SPRR2F: variants seen among roughly 807,000 people sequenced by gnomAD.
SPRR2F encodes the protein small proline-rich protein 2F.
In SPRR2F, 2 loss-of-function variants were observed where a neutral mutation model predicts 0.8. The observed-to-expected ratio is 2.52, with a 90% CI of 1.03 to 7.95. The LOEUF is 7.95. SPRR2F is among the 30% of genes most tolerant of loss of function. The probability of loss-of-function intolerance (pLI) is 0.04; values close to 1 mark genes in which losing one functional copy is unlikely to be tolerated. For missense variants in SPRR2F, 80 were observed against 85.8 expected (o/e 0.93, Z 0.27); for synonymous variants, 39 against 33.4 (o/e 1.17, Z -0.58).
In SPRR2F at chr1:153,112,409, C is replaced by A. The variant is rs2101630877; in HGVS notation, c.*106G>T. On this transcript the variant is annotated 3_prime_UTR_variant, in exon 2 of 2. Transcript: ENST00000468739. The stretch of plus-strand genomic sequence containing the variant: ...TCACAGGCTAAGAGGAAAGAAGCTC[C>A]CTGTGTATCCCTGGATGGCTTTGAT... 1.3e-6 allele frequency: 2 copies of A among 1,511,520 alleles called. No homozygotes were observed. The highest frequency in any genetic ancestry group is 1.4e-5 in the African/African-American group (1 of 71,822). The allele number at this position is 1,511,520 out of a possible 1,614,324, so 93.6% of individuals were successfully genotyped here. A position where few individuals can be genotyped will look rare whatever the true frequency, so the allele number is the denominator to read the frequency against.
chr1:153,117,711 T>C (rs752456434), upstream of SPRR2F, among the ~76,000 whole-genome samples: 3 of 152,108 alleles, frequency 2.0e-5, no homozygotes, highest in African/African-American at 4.8e-5. Context: ...TTTTGTATGC[T>C]TTGTGTTAGG....
At chr1:153,112,946 T>C (rs1478469794) in intron 1 of SPRR2F, among the ~76,000 whole-genome samples, 194 bp from the exon 2 acceptor site, 1 of 152,226 alleles carries the variant, frequency 6.6e-6, no homozygotes, top group Non-Finnish European at 1.5e-5. Context: ...GGAACTCTTG[T>C]GTTTTCTCAT....
upstream of SPRR2F, among the ~76,000 whole-genome samples, chr1:153,115,643 G>T (rs1348339590): frequency 6.6e-6 from 1 of 152,046 alleles, no homozygotes; most frequent in Non-Finnish European, 1.5e-5. Flanking sequence ...CCCAAGTTAG[G>T]ACATCCAGGC....
At chr1:153,114,133 C>T (rs1190153365), upstream of SPRR2F, among the ~76,000 whole-genome samples, 2 of 150,116 alleles carry the variant, frequency 1.3e-5, no homozygotes, top group Non-Finnish European at 3.0e-5. Context: ...GTGCCATCTG[C>T]TGACCCTGTT....
At chr1:153,115,735 TTCTA>T (rs796357660), upstream of SPRR2F, among the ~76,000 whole-genome samples, 121 of 152,194 alleles carry the variant, frequency 8.0e-4, no homozygotes, top group African/African-American at 2.6e-3. Flanking sequence ...TCTATCTATC[TTCTA>T]TCTATCTAAT....
the SPRR2F span, among the ~76,000 whole-genome samples, chr1:153,119,261 G>C: frequency 1.3e-5 from 2 of 152,184 alleles, no homozygotes; most frequent in Non-Finnish European, 2.9e-5. Flanking sequence ...TCCTTGAATG[G>C]AGAATTAAAC....
At chr1:153,114,572 G>A (rs1655681590), upstream of SPRR2F, among the ~76,000 whole-genome samples, 1 of 152,120 alleles carries the variant, frequency 6.6e-6, no homozygotes, top group Non-Finnish European at 1.5e-5. Context: ...AAATCTGGGG[G>A]AAAATACAAA....
intron 1 of SPRR2F, 68 bp from the exon 2 acceptor site, chr1:153,112,820 T>G: frequency 1.3e-6 from 2 of 1,597,436 alleles, no homozygotes; most frequent in South Asian, 1.1e-5. Flanking sequence ...AAAGCTTATG[T>G]AATACCATGG....
Position 153,112,123 on chromosome 1 carries a change from T to C in SPRR2F, c.*392A>G, listed in dbSNP as rs537940588. ...AACAAAAGATCCATTCACAAATATA[T>C]ATGCATAGATTCTTTATTCAGGGAG... On this transcript the variant is annotated 3_prime_UTR_variant, in exon 2 of 2. Coordinates refer to ENST00000468739, the MANE Select transcript of SPRR2F (RefSeq NM_001014450.3). 7.0e-6 allele frequency: 2 copies of C among 285,022 alleles called. No individual in the cohort carries two copies. Among genetic ancestry groups the C allele is most frequent in the East Asian group, 6.4e-5 (1 of 15,516 alleles). The allele number at this position is 285,022 out of a possible 1,614,324, so 17.7% of individuals were successfully genotyped here.
chr1:153,115,516 C>T (rs1655706955), upstream of SPRR2F, among the ~76,000 whole-genome samples: 4 of 152,106 alleles, frequency 2.6e-5, no homozygotes, highest in Admixed American at 2.0e-4. Context: ...CCCTAGTGCC[C>T]CCAGCATCTC....
chr1:153,118,691 G>T, the SPRR2F span, among the ~76,000 whole-genome samples: 1 of 152,142 alleles, frequency 6.6e-6, no homozygotes. Flanking sequence ...ATTGCTCCTA[G>T]ATTTCCTGTG....
rs1293282838 is a variant in SPRR2F, at chr1:153,113,461, G to A, written c.-20+13C>T. On this transcript the variant is annotated intron_variant, in intron 1 of 1. Coordinates refer to ENST00000468739, the MANE Select transcript of SPRR2F (RefSeq NM_001014450.3). ...GGCACAAAGAACAGAGGAACTCCAG[G>A]AAGCCGACTCACCAGGTTCTCCAAG... 2 of 152,676 alleles carry A rather than the reference G, an allele frequency of 1.3e-5. No individual in the cohort carries two copies. The highest frequency in any genetic ancestry group is 2.9e-5 in the Non-Finnish European group (2 of 68,438). 9.5% of individuals were successfully genotyped at this position (152,676 alleles called of 1,614,324 possible).
upstream of SPRR2F, among the ~76,000 whole-genome samples, chr1:153,114,496 A>C (rs1412928355): frequency 6.6e-6 from 1 of 152,188 alleles, no homozygotes; most frequent in Non-Finnish European, 1.5e-5. Context: ...ATAGACTCAC[A>C]TTATCATATG....
intron 1 of SPRR2F, among the ~76,000 whole-genome samples, chr1:153,113,153 G>C (rs547811244): frequency 1.3e-5 from 2 of 152,292 alleles, no homozygotes; most frequent in South Asian, 2.1e-4. Flanking sequence ...GGGAAGAATT[G>C]CATGCTCTCA....
chr1:153,119,358 A>T, the SPRR2F span, among the ~76,000 whole-genome samples: 1 of 152,224 alleles, frequency 6.6e-6, no homozygotes, highest in African/African-American at 2.4e-5. Context: ...CTCACTTTAC[A>T]TGGAAGACAC....
Position 153,112,646 on chromosome 1 carries a change from G to T in SPRR2F, c.88C>A (p.Pro30Thr). ...APKCPEPCPP[P>T]KCPEPCPPSK... The stretch of plus-strand genomic sequence containing the variant: ...GGTGGGCAGGGCTCAGGGCACTTCG[G>T]GGGTGGACATGGCTCTGGGCACTTT... Residue 30 changes from proline to threonine, a missense_variant, in exon 2 of 2, where the codon CCG (proline) becomes ACG (threonine). By Grantham distance (38) the Pro-to-Thr change is conservative. Transcript: ENST00000468739. 6.2e-7 allele frequency: 1 copy of T among 1,612,532 alleles called. No homozygotes were observed. Among genetic ancestry groups the T allele is most frequent in the East Asian group, 2.2e-5 (1 of 44,862 alleles).
At chr1:153,118,331 A>C (rs1333354425), upstream of SPRR2F, among the ~76,000 whole-genome samples, 1 of 152,150 alleles carries the variant, frequency 6.6e-6, no homozygotes, top group African/African-American at 2.4e-5. Context: ...TTAAGGTTCC[A>C]TATATGTGAC....
At position 153,112,554 on chromosome 1, in the gene SPRR2F, G is replaced by A; in HGVS notation, c.180C>T (p.Ser60=). 1 of 1,613,076 alleles carries A rather than the reference G, an allele frequency of 6.2e-7. No homozygotes were observed. The highest frequency in any genetic ancestry group is 8.5e-7 in the Non-Finnish European group (1 of 1,179,838). ...GTGGACACTTTGGCTGGCAGGGTGG[G>A]GAAGGTGTCACAGGAGGACATTTCT... is the stretch of plus-strand genomic sequence containing the variant. The part of the protein sequence containing the change: ...CQQKCPPVTP[S]PPCQPKCPPK... The change falls in exon 2 of 2, where the codon TCC becomes TCT. Residue 60 remains serine (S), a synonymous_variant. Coordinates refer to ENST00000468739, the MANE Select transcript of SPRR2F (RefSeq NM_001014450.3).
upstream of SPRR2F, among the ~76,000 whole-genome samples, chr1:153,114,174 C>A (rs1041964069): frequency 1.3e-5 from 2 of 151,730 alleles, no homozygotes; most frequent in Non-Finnish European, 2.9e-5. Flanking sequence ...CCACTTCTAT[C>A]TTTCTCTCTC....
Sources: gnomAD v4.1 joint callset for allele counts (sites outside exome capture counted in the v4.1 genomes callset) on GRCh38, gnomAD v4.1.1 for gene constraint, MANE v1.5 for transcripts, NCBI Gene and HGNC (gene_info 2026-07-23, HGNC 2026-07-21) for gene names.